Variants in CADPS2 observed in about 807,000 individuals in gnomAD.
CADPS2 encodes the protein calcium-dependent secretion activator 2.
CADPS2 carries 93 observed loss-of-function variants against 172.5 expected under a neutral mutation model. The observed-to-expected ratio is 0.54, with a 90% confidence interval of 0.46 to 0.64. The LOEUF (loss-of-function observed/expected upper bound fraction) is 0.64. Ranked by LOEUF, CADPS2 falls within the 30% of genes least tolerant of loss-of-function variation. The probability of loss-of-function intolerance (pLI) is 0.00; values close to 1 mark genes in which losing one functional copy is unlikely to be tolerated. For missense variants in CADPS2, 1,420 were observed against 1,565.9 expected (o/e 0.91, Z 1.57); for synonymous variants, 546 against 555.2 (o/e 0.98, Z 0.23).
chr7:122,371,285 C>T (rs190739307), intron 25 of CADPS2, among the ~76,000 whole-genome samples: 104 of 152,250 alleles, frequency 6.8e-4, no homozygotes, highest in Non-Finnish European at 1.3e-3. Flanking sequence ...ACCCAAGACT[C>T]GGTAATTTAT....
chr7:122,611,227 A>T (rs1438506348), intron 6 of CADPS2, among the ~76,000 whole-genome samples: 1 of 152,132 alleles, frequency 6.6e-6, no homozygotes, highest in African/African-American at 2.4e-5. Flanking sequence ...TAAAATAGAG[A>T]ACAGAAAAAT....
rs2033617821 is a variant in CADPS2, at chr7:122,325,348, CAGT to C, written c.3717+126_3717+128del. ...TAATCTAACTAAACGTGGAAGTAAA[CAGT>C]AGCACATCATTGCTAATAAGTGATA... On this transcript the variant is annotated intron_variant, in intron 29 of 29. Coordinates refer to ENST00000449022, the MANE Select transcript of CADPS2 (RefSeq NM_017954.11). 2.2e-5 allele frequency: 13 copies of C among 588,732 alleles called. No homozygotes were observed. The South Asian group carries it at 2.8e-4, about 13-fold the overall frequency. 36.5% of individuals were successfully genotyped at this position (588,732 alleles called of 1,614,324 possible). A position where few individuals can be genotyped will look rare whatever the true frequency, so the allele number is the denominator to read the frequency against.
intron 25 of CADPS2, among the ~76,000 whole-genome samples, chr7:122,373,032 T>C (rs933550023): frequency 6.6e-6 from 1 of 152,260 alleles, no homozygotes; most frequent in African/African-American, 2.4e-5. Flanking sequence ...CTTTATTCTA[T>C]GTTCATTTCA....
intron 8 of CADPS2, among the ~76,000 whole-genome samples, chr7:122,541,950 A>G (rs1467343935): frequency 1.4e-5 from 2 of 146,644 alleles, no homozygotes; most frequent in African/African-American, 5.2e-5. Flanking sequence ...AATATCTAAA[A>G]GTTACATGGA....
chr7:122,549,790 C>T (rs890796248), intron 8 of CADPS2, among the ~76,000 whole-genome samples: 6 of 151,826 alleles, frequency 4.0e-5, no homozygotes, highest in African/African-American at 1.4e-4. Flanking sequence ...GGTCAGATGT[C>T]GAAACATAGT....
intron 1 of CADPS2, among the ~76,000 whole-genome samples, chr7:122,873,882 C>T (rs111588386): frequency 2.6e-4 from 40 of 152,238 alleles, no homozygotes; most frequent in Non-Finnish European, 5.1e-4. Context: ...GATGATATCT[C>T]GTTGTGGTTT....
rs73717660 is a variant in CADPS2, at chr7:122,515,665, T to G, written c.1476-2350A>C. ...GTCATATACAAGTGAAAGTAAATAG[T>G]GATACACAAACCATCAACACCACAA... is the stretch of plus-strand genomic sequence containing the variant. On this transcript the variant is annotated intron_variant, in intron 8 of 29. Transcript: ENST00000449022. Among the ~76,000 whole-genome samples, 708 of 152,176 alleles carry G rather than the reference T, an allele frequency of 4.7e-3. 6 individuals are homozygous for G. The highest frequency in any genetic ancestry group is 0.016 in the African/African-American group (685 of 41,538).
intron 1 of CADPS2, among the ~76,000 whole-genome samples, chr7:122,878,261 GA>G (rs34489409): frequency 2.5e-4 from 28 of 113,250 alleles, no homozygotes; most frequent in Admixed American, 5.5e-4. Context: ...TCCGTCTCAA[GA>G]AAAAAAAAAA....
intron 29 of CADPS2, among the ~76,000 whole-genome samples, chr7:122,323,751 G>A (rs904406000): frequency 1.3e-5 from 2 of 151,304 alleles, no homozygotes; most frequent in African/African-American, 4.9e-5. Context: ...GAACACAGTA[G>A]GCATTAGCTT....
At position 122,705,615 on chromosome 7, in the gene CADPS2, T is replaced by TTA. The variant is rs535125608; in HGVS notation, c.453+31338_453+31339dup. Among the ~76,000 whole-genome samples the TTA allele has an allele frequency of 2.0e-5, 2 of 101,354 alleles. 1 individual carries two copies. The highest frequency in any genetic ancestry group is 3.6e-5 in the Non-Finnish European group (2 of 55,102). 66.5% of individuals were successfully genotyped at this position (101,354 alleles called of 152,430 possible). A position where few individuals can be genotyped will look rare whatever the true frequency, so the allele number is the denominator to read the frequency against. On this transcript the variant is annotated intron_variant, in intron 2 of 29. Transcript: ENST00000449022. ...ATATATTTTATATATTATATAACAT[T>TTA]TATATATATTATATATGATATATAA...
intron 1 of CADPS2, among the ~76,000 whole-genome samples, chr7:122,866,180 TATA>T (rs1327489692): frequency 6.6e-6 from 1 of 152,242 alleles, no homozygotes; most frequent in East Asian, 1.9e-4. Flanking sequence ...TTAACCATGT[TATA>T]ATCTCAAAAT....
rs779729804 is a variant in CADPS2, at chr7:122,629,276, C to T, written c.839G>A (p.Arg280Gln). The change falls in exon 4 of 30, where the codon CGG (arginine) becomes CAG (glutamine). Residue 280 changes from arginine (R) to glutamine (Q), a missense_variant. Coordinates refer to ENST00000449022, the MANE Select transcript of CADPS2 (RefSeq NM_017954.11). ...AAQIRRELDG[R>Q]LQLADKMAKE... The stretch of plus-strand genomic sequence containing the variant: ...TGCCATTTTATCTGCCAATTGCAGC[C>T]GGCCATCAAGTTCCCTTCTGATCTG... The T allele has an allele frequency of 2.5e-6, 4 of 1,609,216 alleles. No homozygotes were observed. The highest frequency in any genetic ancestry group is 1.3e-5 in the African/African-American group (1 of 74,664).
At chr7:122,734,086 AGTCTGCTTTTAGTCAGCTATGGTG>A (rs1263445104) in intron 2 of CADPS2, among the ~76,000 whole-genome samples, 3 of 151,846 alleles carry the variant, frequency 2.0e-5, no homozygotes, top group African/African-American at 7.2e-5. Flanking sequence ...GGAACCTAAG[AGTCTGCTTTTAGTCAGCTATGGTG>A]GTATGAGGTC....
intron 2 of CADPS2, among the ~76,000 whole-genome samples, chr7:122,716,285 T>C (rs2089587261): frequency 1.3e-5 from 2 of 152,108 alleles, no homozygotes. Context: ...GGGTACTATC[T>C]AACATGTGGC....
intron 1 of CADPS2, among the ~76,000 whole-genome samples, chr7:122,822,791 A>C (rs1584660224): frequency 6.6e-6 from 1 of 151,006 alleles, no homozygotes; most frequent in Non-Finnish European, 1.5e-5. Flanking sequence ...CCCACTGAAC[A>C]CCTTGCGACC....
intron 15 of CADPS2, among the ~76,000 whole-genome samples, chr7:122,447,877 T>C (rs2052507007): frequency 6.6e-6 from 1 of 152,042 alleles, no homozygotes. Context: ...TAGATCCTCT[T>C]TGTTTCCCCC....
intron 27 of CADPS2, among the ~76,000 whole-genome samples, chr7:122,351,651 C>T (rs1357713424): frequency 6.6e-6 from 1 of 151,942 alleles, no homozygotes; most frequent in African/African-American, 2.4e-5. Context: ...GGGGCTGTTC[C>T]ATTACTGCAG....
chr7:122,755,306 A>G (rs1488666397), intron 1 of CADPS2, among the ~76,000 whole-genome samples: 1 of 152,208 alleles, frequency 6.6e-6, no homozygotes, highest in East Asian at 1.9e-4. Context: ...AAGGCTATGA[A>G]GTTTAAGATC....
intron 2 of CADPS2, among the ~76,000 whole-genome samples, chr7:122,720,709 C>T (rs953422206): frequency 3.3e-5 from 5 of 151,734 alleles, no homozygotes; most frequent in Non-Finnish European, 7.4e-5. Context: ...AAGGATATAC[C>T]TCCTGTAATA....
Sources: allele counts gnomAD v4.1 joint callset (sites outside exome capture counted in the v4.1 genomes callset), GRCh38; gene constraint gnomAD v4.1.1; transcripts MANE v1.5; gene names NCBI Gene and HGNC (gene_info 2026-07-23, HGNC 2026-07-21).